The following SAMD5 variants were observed in gnomAD, a reference collection of about 807,000 sequenced individuals.
SAMD5 encodes the protein sterile alpha motif domain-containing protein 5.
A neutral mutation model predicts 11.3 loss-of-function variants in SAMD5; 13 were observed. That is an observed-to-expected ratio of 1.15 (90% CI 0.75 to 1.83). SAMD5 has a LOEUF of 1.83. Ranked by LOEUF, SAMD5 falls within the 40% of genes most tolerant of loss-of-function variation. The pLI, the probability that SAMD5 is intolerant of heterozygous loss-of-function variation, is 0.00. For synonymous variants in SAMD5, 129 were observed against 111.3 expected (o/e 1.16, Z -1.00); for missense variants, 255 against 239.1 (o/e 1.07, Z -0.44).
At chr6:147,863,942 C>A in the SAMD5 span, among the ~76,000 whole-genome samples, 25 of 149,058 alleles carry the variant, frequency 1.7e-4, no homozygotes, top group African/African-American at 6.2e-4. Flanking sequence ...CTGCCAGGTG[C>A]AAGTGAATCT....
chr6:147,833,422 A>G, the SAMD5 span, among the ~76,000 whole-genome samples: 1 of 152,240 alleles, frequency 6.6e-6, no homozygotes, highest in African/African-American at 2.4e-5. Context: ...TGTATTTCAG[A>G]CAGTAAAAAT....
At chr6:147,915,701 T>G in the SAMD5 span, among the ~76,000 whole-genome samples, 1 of 152,190 alleles carries the variant, frequency 6.6e-6, no homozygotes, top group Non-Finnish European at 1.5e-5. Context: ...AGATTCTCTT[T>G]TTTCAAAGTA....
At chr6:147,814,755 C>T in the SAMD5 span, among the ~76,000 whole-genome samples, 1 of 152,308 alleles carries the variant, frequency 6.6e-6, no homozygotes, top group East Asian at 1.9e-4. Context: ...ATTTGTGTAC[C>T]TTTGCCATGC....
At chr6:147,611,344 A>C (rs1583105598) in intron 1 of SAMD5, among the ~76,000 whole-genome samples, 1 of 152,068 alleles carries the variant, frequency 6.6e-6, no homozygotes, top group Non-Finnish European at 1.5e-5. Flanking sequence ...GACTGAGGCA[A>C]GCGGATTACC....
At chr6:147,779,616 C>G in the SAMD5 span, among the ~76,000 whole-genome samples, 1 of 152,100 alleles carries the variant, frequency 6.6e-6, no homozygotes. Flanking sequence ...CTGCCTAAAC[C>G]TTCCAAGTAG....
At chr6:147,915,132 A>G in the SAMD5 span, among the ~76,000 whole-genome samples, 418 of 152,324 alleles carry the variant, frequency 2.7e-3, 8 homozygotes, top group South Asian at 0.014. Flanking sequence ...TAGATTAGAT[A>G]AAAGTATTGT....
At chr6:147,870,447 TGA>T in the SAMD5 span, among the ~76,000 whole-genome samples, 1,282 of 110,214 alleles carry the variant, frequency 0.012, 9 homozygotes, top group Middle Eastern at 0.024. Flanking sequence ...TGTGTGTGTG[TGA>T]GTGTGTGTGT....
chr6:147,791,508 G>A, the SAMD5 span, among the ~76,000 whole-genome samples: 4 of 151,978 alleles, frequency 2.6e-5, no homozygotes, highest in African/African-American at 9.7e-5. Flanking sequence ...ATTTCTTTAT[G>A]AATACAGCTT....
At position 147,569,910 on chromosome 6, in the gene SAMD5, C is replaced by T; in HGVS notation, c.*5454C>T. On this transcript the variant is annotated 3_prime_UTR_variant, in exon 2 of 2. Coordinates refer to ENST00000367474, the MANE Select transcript of SAMD5 (RefSeq NM_001030060.3). ...TTTTAAAGGACGTTATGAGAAGGCA[C>T]TATGAAAAGCCTAATTGGAATAGCA... The T allele has an allele frequency of 1.0e-6, 1 of 985,022 alleles. No homozygotes were observed. The highest frequency in any genetic ancestry group is 1.2e-6 in the Non-Finnish European group (1 of 829,624). 61.0% of individuals were successfully genotyped at this position (985,022 alleles called of 1,614,324 possible). A position where few individuals can be genotyped will look rare whatever the true frequency, so the allele number is the denominator to read the frequency against.
In SAMD5 at chr6:147,606,978, A is replaced by AAAAAAAAAAAAAC. The variant is rs397708065; in HGVS notation, c.162+97591_162+97592insAAAAAAAAAAAAC. Reference sequence around the variant, plus strand: ...CAGCTTTATCCAAAAAAAAAAAAAAACAGAAAGAGAAGTATATGAAGTCCT... The same window carrying AAAAAAAAAAAAAC: ...CAGCTTTATCCAAAAAAAAAAAAAAAAAAAAAAAAAAACCAGAAAGAGAAGTATATGAAGTCCT... On this transcript the variant is annotated intron_variant, in intron 1 of 1. Transcript: ENST00000566741. 1.3e-3 allele frequency among the ~76,000 whole-genome samples: 196 copies of AAAAAAAAAAAAAC among 148,148 alleles called. 1 individual carries two copies. Among genetic ancestry groups the AAAAAAAAAAAAAC allele is most frequent in the African/African-American group, 3.7e-3 (146 of 39,056 alleles).
chr6:147,753,459 T>G, the SAMD5 span, among the ~76,000 whole-genome samples: 1 of 152,166 alleles, frequency 6.6e-6, no homozygotes, highest in African/African-American at 2.4e-5. Flanking sequence ...TTTTATGGGG[T>G]ACATGCGATG....
chr6:147,806,394 A>T, the SAMD5 span, among the ~76,000 whole-genome samples: 2 of 152,148 alleles, frequency 1.3e-5, no homozygotes, highest in Admixed American at 6.5e-5. Flanking sequence ...CTTTGGTCCT[A>T]TCAGAGTAAA....
intron 1 of SAMD5, among the ~76,000 whole-genome samples, chr6:147,530,904 A>AAATCAAAGTT (rs1788421027): frequency 1.3e-5 from 2 of 152,360 alleles, no homozygotes; most frequent in South Asian, 4.1e-4. Flanking sequence ...TGTGGAACAC[A>AAATCAAAGTT]AATCCAAGTT....
chr6:147,620,969 T>TGTGTGC lies in SAMD5; in HGVS notation c.162+111587_162+111588insCGTGTG, dbSNP rs1789951953. ...ATGACTGTGTATGTGCCTCTGTGTGTGTGTGTGTGTGTGTGTGTGTGCGCG... is the reference window on the plus strand; with the variant it reads ...ATGACTGTGTATGTGCCTCTGTGTGTGTGTGCGTGTGTGTGTGTGTGTGTGTGCGCG... On this transcript the variant is annotated intron_variant, in intron 1 of 1. Coordinates refer to the SAMD5 transcript ENST00000566741. Among the ~76,000 whole-genome samples the TGTGTGC allele has an allele frequency of 3.0e-5, 3 of 98,780 alleles. No individual in the cohort carries two copies. The Admixed American group carries it at 3.9e-4, about 13-fold the overall frequency. 64.8% of individuals were successfully genotyped at this position (98,780 alleles called of 152,430 possible).
chr6:147,929,775 G>A, the SAMD5 span, among the ~76,000 whole-genome samples: 1 of 151,986 alleles, frequency 6.6e-6, no homozygotes, highest in African/African-American at 2.4e-5. Context: ...TGGTAACATT[G>A]GGGGGGAAAG....
chr6:147,585,427 A>T (rs998968176), intron 1 of SAMD5, among the ~76,000 whole-genome samples: 5 of 152,136 alleles, frequency 3.3e-5, no homozygotes, highest in African/African-American at 1.2e-4. Context: ...ACAGAGTAAG[A>T]GTTTGCTCTT....
intron 1 of SAMD5, among the ~76,000 whole-genome samples, chr6:147,666,794 C>A (rs1243738781): frequency 1.3e-5 from 2 of 152,146 alleles, no homozygotes; most frequent in African/African-American, 2.4e-5. Context: ...CCATAGCATC[C>A]TCAAATAAGA....
At chr6:147,925,586 A>G in the SAMD5 span, among the ~76,000 whole-genome samples, 279 of 151,868 alleles carry the variant, frequency 1.8e-3, 3 homozygotes, top group East Asian at 0.011. Context: ...AAATTTTAAT[A>G]GTTACATAAT....
At chr6:147,681,356 C>T (rs1228963791) in intron 1 of SAMD5, among the ~76,000 whole-genome samples, 1 of 151,984 alleles carries the variant, frequency 6.6e-6, no homozygotes, top group African/African-American at 2.4e-5. Flanking sequence ...ATCTCAGGCA[C>T]CAGTGTTTTT....
Sources: allele counts gnomAD v4.1 joint callset (sites outside exome capture counted in the v4.1 genomes callset), GRCh38; gene constraint gnomAD v4.1.1; transcripts MANE v1.5; gene names NCBI Gene and HGNC (gene_info 2026-07-23, HGNC 2026-07-21).